The following RIPPLY2 variants were observed in gnomAD, a reference collection of about 807,000 sequenced individuals.
The protein encoded by RIPPLY2 is protein ripply2.
Under a neutral mutation model 17.7 loss-of-function variants are expected in RIPPLY2, and 20 were observed. The ratio of observed to expected loss-of-function variants is 1.13; its 90% confidence interval spans 0.79 to 1.64. The LOEUF (loss-of-function observed/expected upper bound fraction) is 1.64, where lower values mean the gene tolerates loss of function less well. RIPPLY2 is among the 40% of genes most tolerant of loss of function. The probability of loss-of-function intolerance (pLI) is 0.00; values close to 1 mark genes in which losing one functional copy is unlikely to be tolerated. For synonymous variants in RIPPLY2, 69 were observed against 63.9 expected (o/e 1.08, Z -0.38); for missense variants, 213 against 169.8 (o/e 1.25, Z -1.41).
intron 3 of RIPPLY2, 139 bp downstream of exon 3, chr6:83,854,300 C>T: frequency 2.9e-6 from 2 of 699,402 alleles, no homozygotes; most frequent in Non-Finnish European, 5.1e-6. Flanking sequence ...GGTTACTTAT[C>T]TTCTCACTCA....
At chr6:83,853,951 T>A in intron 2 of RIPPLY2, 146 bp from the exon 3 acceptor site, 1 of 1,007,304 alleles carries the variant, frequency 9.9e-7, no homozygotes, top group Non-Finnish European at 1.5e-6. Context: ...TCTGGAGCGA[T>A]GGGCCACAGG....
chr6:83,857,483 T>TACAA lies in RIPPLY2; in HGVS notation c.*95_*96insCAAA. ...ATTATTTTAAACTAATTTATTTGTATATAAATTATTAATAAAATGAAATAT... is the reference window on the plus strand; with the variant it reads ...ATTATTTTAAACTAATTTATTTGTATACAAATAAATTATTAATAAAATGAAATAT... On this transcript the variant is annotated 3_prime_UTR_variant, in exon 4 of 4. Coordinates refer to ENST00000369689, the MANE Select transcript of RIPPLY2 (RefSeq NM_001009994.3). 6.2e-6 allele frequency: 4 copies of TACAA among 642,818 alleles called. No individual in the cohort carries two copies. The highest frequency in any genetic ancestry group is 6.7e-6 in the Non-Finnish European group (3 of 446,970). The allele number at this position is 642,818 out of a possible 1,614,324, so 39.8% of individuals were successfully genotyped here.
At chr6:83,853,283 G>C, upstream of RIPPLY2, 1 of 661,154 alleles carries the variant, frequency 1.5e-6, no homozygotes. Flanking sequence ...GCAGGGAGAG[G>C]GGCGGAGAGG....
At chr6:83,856,458 C>G (rs1025194097) in intron 3 of RIPPLY2, 4 of 152,180 alleles carry the variant, frequency 2.6e-5, no homozygotes, top group Non-Finnish European at 4.4e-5. Context: ...AGCCTTATCT[C>G]TCCTCTTTCT....
At chr6:83,853,901 T>C in intron 2 of RIPPLY2, 128 bp downstream of exon 2, 1 of 1,031,264 alleles carries the variant, frequency 9.7e-7, no homozygotes, top group Non-Finnish European at 1.4e-6. Flanking sequence ...ACATCCCGCC[T>C]GCCGGTGGCC....
chr6:83,853,746 G>A lies in RIPPLY2; in HGVS notation c.147G>A (p.Glu49=). ...PWVDAGGKKE[E]ETPNHAAEAM... is the part of the protein sequence containing the mutation. ...TGGACGCCGGAGGCAAGAAAGAAGAGGAGACGCCGAACCACGCCGCGGAGG... is the reference window on the plus strand; with the variant it reads ...TGGACGCCGGAGGCAAGAAAGAAGAAGAGACGCCGAACCACGCCGCGGAGG... Residue 49 remains glutamate, a synonymous_variant, in exon 2 of 4, where the codon GAG becomes GAA. Coordinates refer to ENST00000369689, the MANE Select transcript of RIPPLY2 (RefSeq NM_001009994.3). 6.2e-7 allele frequency: 1 copy of A among 1,613,544 alleles called. No individual in the cohort carries two copies. The highest frequency in any genetic ancestry group is 1.1e-5 in the South Asian group (1 of 91,022).
rs1433471282 is a variant in RIPPLY2, at chr6:83,853,737, G to A, written c.138G>A (p.Lys46=). ...FWRPWVDAGG[K]KEEETPNHAA... is the part of the protein sequence containing the mutation. ...GACCCTGGGTGGACGCCGGAGGCAA[G>A]AAAGAAGAGGAGACGCCGAACCACG... is the stretch of plus-strand genomic sequence containing the variant. Residue 46 remains lysine (K), a synonymous_variant, in exon 2 of 4, where the codon AAG becomes AAA. Coordinates refer to ENST00000369689, the MANE Select transcript of RIPPLY2 (RefSeq NM_001009994.3). 6.2e-7 allele frequency: 1 copy of A among 1,613,702 alleles called. No individual in the cohort carries two copies. Among genetic ancestry groups the A allele is most frequent in the East Asian group, 2.2e-5 (1 of 44,868 alleles).
chr6:83,853,850 T>G, intron 2 of RIPPLY2, 77 bp downstream of exon 2: 1 of 1,323,508 alleles, frequency 7.6e-7, no homozygotes, highest in Non-Finnish European at 1.1e-6. Context: ...ACGCAGGGCC[T>G]GAGAGAGACA....
chr6:83,857,187 T>G, intron 3 of RIPPLY2, 55 bp from the exon 4 acceptor site: 4 of 1,215,040 alleles, frequency 3.3e-6, no homozygotes, highest in East Asian at 2.8e-5. Context: ...GACCATTTCA[T>G]GAGTTTAAAG....
chr6:83,857,410 T>C lies in RIPPLY2; in HGVS notation c.*21T>C, dbSNP rs1224413965. The C allele has an allele frequency of 6.5e-7, 1 of 1,534,106 alleles. No individual in the cohort carries two copies. Among genetic ancestry groups the C allele is most frequent in the Non-Finnish European group, 8.8e-7 (1 of 1,140,684 alleles). On this transcript the variant is annotated 3_prime_UTR_variant, in exon 4 of 4. Transcript: ENST00000369689. ...ATTAATCTGATTAGCTACTTTTGAT[T>C]ATATCCAAAGCTTGTGGGGTTTAAA...
chr6:83,857,295 C>T lies in RIPPLY2; in HGVS notation c.293C>T (p.Ala98Val). 1.3e-6 allele frequency: 2 copies of T among 1,555,932 alleles called. No homozygotes were observed. The highest frequency in any genetic ancestry group is 1.7e-6 in the Non-Finnish European group (2 of 1,154,058). The change falls in exon 4 of 4, where the codon GCT (alanine) becomes GTT (valine). Residue 98 changes from alanine to valine, a missense_variant. Transcript: ENST00000369689. ...GATTACTTATATCAAGAAGCAGAAG[C>T]TCTTCTGAAAAATTTTCCAATTCAA... Reference protein sequence around the residue: ...CYDYLYQEAEALLKNFPIQAT... With the variant: ...CYDYLYQEAEVLLKNFPIQAT...
chr6:83,857,396 T>A lies in RIPPLY2; in HGVS notation c.*7T>A, dbSNP rs1201665328. The A allele has an allele frequency of 4.5e-6, 7 of 1,558,478 alleles. No individual in the cohort carries two copies. The highest frequency in any genetic ancestry group is 6.0e-6 in the Non-Finnish European group (7 of 1,158,216). Reference sequence around the variant, plus strand: ...TCTGACCTGTGAAAATTAATCTGATTAGCTACTTTTGATTATATCCAAAGC... The same window carrying A: ...TCTGACCTGTGAAAATTAATCTGATAAGCTACTTTTGATTATATCCAAAGC... On this transcript the variant is annotated 3_prime_UTR_variant, in exon 4 of 4. Transcript: ENST00000369689.
At position 83,853,596 on chromosome 6, in the gene RIPPLY2, C is replaced by G. The variant is rs984124002; in HGVS notation, c.95+85C>G. ...TCCCCAGCTCCTCCCCTCCAACTCT[C>G]CATCCCCCACTGCCCGGTGCCAGCG... On this transcript the variant is annotated intron_variant, in intron 1 of 3. Coordinates refer to ENST00000369689, the MANE Select transcript of RIPPLY2 (RefSeq NM_001009994.3). 1.8e-5 allele frequency: 28 copies of G among 1,543,804 alleles called. No individual in the cohort carries two copies. The Admixed American group carries it at 5.5e-4, about 30-fold the overall frequency.
At chr6:83,853,359 G>A, upstream of RIPPLY2, 5 of 1,436,452 alleles carry the variant, frequency 3.5e-6, no homozygotes, top group Non-Finnish European at 4.7e-6. Flanking sequence ...GGACCTACTG[G>A]AACTGGTCAA....
At chr6:83,853,967 A>G in intron 2 of RIPPLY2, 130 bp from the exon 3 acceptor site, 1 of 1,072,116 alleles carries the variant, frequency 9.3e-7, no homozygotes, top group Non-Finnish European at 1.4e-6. Flanking sequence ...ACAGGCACCC[A>G]GCCGGGAGCG....
At chr6:83,853,583 C>T in intron 1 of RIPPLY2, 72 bp downstream of exon 1, 1 of 1,536,100 alleles carries the variant, frequency 6.5e-7, no homozygotes, top group African/African-American at 1.4e-5. Flanking sequence ...CCCAGCTCCT[C>T]CCCTCCAACT....
At chr6:83,853,809 C>A in intron 2 of RIPPLY2, 36 bp downstream of exon 2, 1 of 1,574,544 alleles carries the variant, frequency 6.4e-7, no homozygotes, top group Non-Finnish European at 8.7e-7. Context: ...GCGCCTCCCA[C>A]GGGTGCAGAA....
At chr6:83,856,412 C>A (rs1244024982) in intron 3 of RIPPLY2, 1 of 152,060 alleles carries the variant, frequency 6.6e-6, no homozygotes, top group Non-Finnish European at 1.5e-5. Flanking sequence ...GGCTGTTTAC[C>A]CTGCACTAAA....
upstream of RIPPLY2, chr6:83,853,296 G>A: frequency 1.1e-5 from 8 of 722,814 alleles, no homozygotes; most frequent in Non-Finnish European, 1.7e-5. Flanking sequence ...CGGAGAGGCA[G>A]CGAACCTCTC....
Sources: allele counts gnomAD v4.1 joint callset, GRCh38; gene constraint gnomAD v4.1.1; transcripts MANE v1.5; gene names NCBI Gene and HGNC (gene_info 2026-07-23, HGNC 2026-07-21).